MGLL: variants seen among roughly 807,000 people sequenced by gnomAD.
MGLL encodes the protein monoglyceride lipase, also known as lysophospholipase homolog.
In MGLL, 7 loss-of-function variants were observed where a neutral mutation model predicts 29.1. The ratio of observed to expected loss-of-function variants is 0.24; its 90% CI spans 0.14 to 0.45. MGLL has a LOEUF of 0.45. Among genes scored for constraint, MGLL ranks in the 20% least tolerant of loss-of-function variants. The pLI is 0.99. For missense variants in MGLL, 356 were observed against 413.6 expected, an observed-to-expected ratio of 0.86 and a Z score of 1.21; for synonymous variants, 148 against 168.3, an observed-to-expected ratio of 0.88 and a Z score of 0.93.
At chr3:127,765,175 CT>C (rs1332006978) in intron 3 of MGLL, among the ~76,000 whole-genome samples, 1 of 152,216 alleles carries the variant, frequency 6.6e-6, no homozygotes, top group African/African-American at 2.4e-5. Context: ...TTCAGTCTTT[CT>C]TTTTAACACA....
At chr3:127,763,379 C>T (rs1342137797) in intron 3 of MGLL, among the ~76,000 whole-genome samples, 1 of 152,226 alleles carries the variant, frequency 6.6e-6, no homozygotes, top group South Asian at 2.1e-4. Flanking sequence ...CCTCTGGCCC[C>T]GCGAAGCCAG....
At chr3:127,707,178 A>G (rs565557837) in intron 6 of MGLL, among the ~76,000 whole-genome samples, 1 of 152,318 alleles carries the variant, frequency 6.6e-6, no homozygotes, top group Non-Finnish European at 1.5e-5. Flanking sequence ...TCTAGAAGAC[A>G]AGTGGCCTCA....
At chr3:127,814,957 T>G (rs1368228823) in intron 2 of MGLL, among the ~76,000 whole-genome samples, 1 of 152,230 alleles carries the variant, frequency 6.6e-6, no homozygotes, top group Non-Finnish European at 1.5e-5. Context: ...ATAATCTGAC[T>G]AAAAATAATG....
intron 3 of MGLL, among the ~76,000 whole-genome samples, chr3:127,745,908 C>T (rs57109114): frequency 0.036 from 5,502 of 152,220 alleles, 332 homozygotes; most frequent in African/African-American, 0.12. Context: ...GGCTGCACAA[C>T]GGACTGACCC....
intron 3 of MGLL, among the ~76,000 whole-genome samples, chr3:127,724,194 C>A (rs1387704530): frequency 6.6e-6 from 1 of 152,144 alleles, no homozygotes; most frequent in East Asian, 1.9e-4. Context: ...GCTATTAAAC[C>A]CCAACTCCCC....
At chr3:127,780,033 C>T (rs536147336) in intron 3 of MGLL, among the ~76,000 whole-genome samples, 1 of 152,328 alleles carries the variant, frequency 6.6e-6, no homozygotes, top group East Asian at 1.9e-4. Flanking sequence ...CAGGTGAACA[C>T]CAACAGCCAT....
intron 3 of MGLL, among the ~76,000 whole-genome samples, chr3:127,766,558 T>C (rs944117115): frequency 7.9e-5 from 12 of 152,160 alleles, no homozygotes; most frequent in African/African-American, 2.9e-4. Context: ...GGCCTGTTTA[T>C]CAGCCAAGCA....
chr3:127,767,843 A>T (rs576358687), intron 3 of MGLL, among the ~76,000 whole-genome samples: 21 of 152,382 alleles, frequency 1.4e-4, no homozygotes, highest in Admixed American at 1.2e-3. Context: ...ATCAGTAATA[A>T]TAATGAACAG....
At chr3:127,778,678 G>C (rs1306822158) in intron 3 of MGLL, among the ~76,000 whole-genome samples, 1 of 152,168 alleles carries the variant, frequency 6.6e-6, no homozygotes, top group African/African-American at 2.4e-5. Context: ...AGTGTTTTCA[G>C]CTCCGTTTTT....
At chr3:127,799,052 G>A (rs2077432772) in intron 2 of MGLL, among the ~76,000 whole-genome samples, 1 of 152,208 alleles carries the variant, frequency 6.6e-6, no homozygotes, top group Non-Finnish European at 1.5e-5. Flanking sequence ...CCTGCCCAGT[G>A]TCCCTGAGTC....
chr3:127,799,895 A>G (rs1292780885), intron 2 of MGLL, among the ~76,000 whole-genome samples: 4 of 152,186 alleles, frequency 2.6e-5, no homozygotes, highest in African/African-American at 7.2e-5. Flanking sequence ...GATTGCCCCA[A>G]ACTGCATTCT....
intron 6 of MGLL, among the ~76,000 whole-genome samples, chr3:127,699,351 AT>A (rs34220827): frequency 0.55 from 82,632 of 151,258 alleles, 24,981 homozygotes; most frequent in African/African-American, 0.82. Flanking sequence ...CTCTTGACCC[AT>A]TTTTTTTTTA....
intron 3 of MGLL, among the ~76,000 whole-genome samples, chr3:127,764,661 A>T (rs963728678): frequency 6.6e-6 from 1 of 152,350 alleles, no homozygotes; most frequent in East Asian, 1.9e-4. Context: ...GTTAAATATG[A>T]ATATCATCTC....
intron 3 of MGLL, among the ~76,000 whole-genome samples, chr3:127,731,248 G>A (rs976514314): frequency 1.3e-5 from 2 of 151,678 alleles, no homozygotes; most frequent in Non-Finnish European, 2.9e-5. Flanking sequence ...TCAAACTCCT[G>A]GGCTCAAGCA....
chr3:127,747,995 C>T (rs1263759570), intron 3 of MGLL, among the ~76,000 whole-genome samples: 1 of 152,202 alleles, frequency 6.6e-6, no homozygotes, highest in Non-Finnish European at 1.5e-5. Context: ...GCTCTCTCTT[C>T]CCAAGTCCAC....
chr3:127,746,430 A>G (rs2076444542), intron 3 of MGLL, among the ~76,000 whole-genome samples: 1 of 151,906 alleles, frequency 6.6e-6, no homozygotes, highest in Admixed American at 6.5e-5. Flanking sequence ...TCACCCTGCC[A>G]CGATCTTCCC....
At chr3:127,731,310 G>A (rs191906275) in intron 3 of MGLL, among the ~76,000 whole-genome samples, 1 of 150,572 alleles carries the variant, frequency 6.6e-6, no homozygotes, top group East Asian at 2.0e-4. Context: ...ACACCACTAT[G>A]CCTGGCTGCT....
At chr3:127,697,929 C>A (rs912931122) in intron 6 of MGLL, among the ~76,000 whole-genome samples, 11 of 152,326 alleles carry the variant, frequency 7.2e-5, no homozygotes, top group Admixed American at 4.6e-4. Context: ...ACCCTCGCCC[C>A]TGTTGCTAGC....
At chr3:127,696,278 A>G (rs993588480) in intron 6 of MGLL, among the ~76,000 whole-genome samples, 1 of 151,338 alleles carries the variant, frequency 6.6e-6, no homozygotes, top group African/African-American at 2.4e-5. Context: ...TCCTGCCTCC[A>G]TAAAGACAGC....
Sources: allele counts gnomAD v4.1 joint callset (sites outside exome capture counted in the v4.1 genomes callset), GRCh38; gene constraint gnomAD v4.1.1; transcripts MANE v1.5; gene names NCBI Gene and HGNC (gene_info 2026-07-23, HGNC 2026-07-21).